The following POLA1 variants were observed in gnomAD, a reference collection of about 807,000 sequenced individuals.
POLA1 encodes the protein DNA polymerase alpha catalytic subunit.
Under a neutral mutation model 124.0 loss-of-function variants are expected in POLA1, and 15 were observed. That is an observed-to-expected ratio of 0.12 (90% CI 0.08 to 0.19). The LOEUF is 0.19. POLA1 is among the 10% of genes least tolerant of loss of function. The probability of loss-of-function intolerance (pLI) is 1.00; values close to 1 mark genes in which losing one functional copy is unlikely to be tolerated. For missense variants in POLA1, 886 were observed against 1,103.4 expected (o/e 0.80, Z 2.79); for synonymous variants, 408 against 389.4 (o/e 1.05, Z -0.56).
At chrX:24,738,838 C>T (rs1381484540) in intron 19 of POLA1, among the ~76,000 whole-genome samples, 1 of 111,797 alleles carries the variant, frequency 8.9e-6, no homozygotes, top group Non-Finnish European at 1.9e-5. Context: ...GTACCTTTTT[C>T]GTAATGTTCT....
Position 24,772,123 on chromosome X carries a change from GAGAT to G in POLA1, c.2964+23136_2964+23139del, listed in dbSNP as rs764406548. Among the ~76,000 whole-genome samples, 191 of 111,050 alleles carry G rather than the reference GAGAT, an allele frequency of 1.7e-3. 1 individual carries two copies. The highest frequency in any genetic ancestry group is 4.7e-3 in the Middle Eastern group (1 of 213). The stretch of plus-strand genomic sequence containing the variant: ...ATAAACTAAATTTTTATGATTTCAG[GAGAT>G]AGATGTCACGTAATTTATTTATCAA... On this transcript the variant is annotated intron_variant, in intron 26 of 36. Coordinates refer to ENST00000379068, the MANE Select transcript of POLA1 (RefSeq NM_001330360.2).
chrX:24,761,116 G>T (rs935693353), intron 26 of POLA1, among the ~76,000 whole-genome samples: 1 of 112,037 alleles, frequency 8.9e-6, no homozygotes, highest in Admixed American at 9.5e-5. Flanking sequence ...GTGATTTCCA[G>T]AAATGGTTTC....
intron 35 of POLA1, among the ~76,000 whole-genome samples, chrX:24,888,526 C>T (rs1442733049): frequency 9.3e-6 from 1 of 107,754 alleles, no homozygotes; most frequent in Non-Finnish European, 1.9e-5. Context: ...GTCCCCTCTG[C>T]TGGATTAATT....
chrX:24,763,063 G>A (rs1932826754), intron 26 of POLA1, among the ~76,000 whole-genome samples: 1 of 111,365 alleles, frequency 9.0e-6, no homozygotes, highest in Non-Finnish European at 1.9e-5. Flanking sequence ...TTATATGTTG[G>A]GGGAGATTGG....
At chrX:24,715,046 T>G in intron 5 of POLA1, 95 bp from the exon 6 acceptor site, 1 of 596,858 alleles carries the variant, frequency 1.7e-6, no homozygotes, top group Non-Finnish European at 2.8e-6. Flanking sequence ...AAGGACTAAC[T>G]GGCTAGGTCC....
chrX:24,978,782 A>G (rs778736103), intron 36 of POLA1, among the ~76,000 whole-genome samples: 4 of 112,236 alleles, frequency 3.6e-5, no homozygotes, highest in African/African-American at 1.3e-4. Flanking sequence ...CTAATGATTT[A>G]TGGATTGCAT....
At chrX:24,907,222 G>A (rs1244739599) in intron 35 of POLA1, among the ~76,000 whole-genome samples, 1 of 110,763 alleles carries the variant, frequency 9.0e-6, no homozygotes, top group African/African-American at 3.3e-5. Flanking sequence ...CCAGTATACA[G>A]AAGACAGGAA....
intron 36 of POLA1, among the ~76,000 whole-genome samples, chrX:24,957,761 A>C (rs910467621): frequency 1.8e-5 from 2 of 111,537 alleles, no homozygotes; most frequent in Non-Finnish European, 1.9e-5. Context: ...TATGTACACT[A>C]GGAAGCCATT....
chrX:24,727,194 C>T (rs757345901), intron 14 of POLA1, 123 bp downstream of exon 14: 21 of 604,129 alleles, frequency 3.5e-5, no homozygotes, highest in Non-Finnish European at 4.6e-5. Context: ...TTTGTTTCTT[C>T]AGTTTTCGTT....
chrX:24,830,573 A>G (rs1233127841), intron 32 of POLA1, among the ~76,000 whole-genome samples: 2 of 112,269 alleles, frequency 1.8e-5, no homozygotes, highest in African/African-American at 6.5e-5. Context: ...AGGAAAAAAT[A>G]TAGTATTACT....
intron 26 of POLA1, among the ~76,000 whole-genome samples, chrX:24,781,724 T>G (rs1440394831): frequency 9.0e-6 from 1 of 111,272 alleles, no homozygotes; most frequent in Non-Finnish European, 1.9e-5. Context: ...ATGGGGAAGT[T>G]TTTCAAGAGA....
intron 34 of POLA1, among the ~76,000 whole-genome samples, chrX:24,884,647 AT>A (rs754975971): frequency 8.9e-6 from 1 of 112,403 alleles, no homozygotes; most frequent in Non-Finnish European, 1.9e-5. Context: ...CAAAAGCTTA[AT>A]TATCAAAATA....
intron 36 of POLA1, among the ~76,000 whole-genome samples, chrX:24,950,373 C>G (rs147908916): frequency 2.0e-3 from 222 of 112,111 alleles, no homozygotes; most frequent in Non-Finnish European, 3.7e-3. Flanking sequence ...TTCCATTTTA[C>G]TTAGTTTTAA....
At chrX:24,946,265 T>G (rs1231841135) in intron 36 of POLA1, among the ~76,000 whole-genome samples, 2 of 111,238 alleles carry the variant, frequency 1.8e-5, no homozygotes. Context: ...CTTCCGCAAC[T>G]TTATAATTTT....
At chrX:24,723,822 A>G (rs1374356599) in intron 11 of POLA1, among the ~76,000 whole-genome samples, 1 of 112,274 alleles carries the variant, frequency 8.9e-6, no homozygotes, top group South Asian at 3.7e-4. Flanking sequence ...CTGGGATTAC[A>G]GGCGCCTGCC....
chrX:24,702,268 T>C (rs1339109648), intron 2 of POLA1, among the ~76,000 whole-genome samples: 4 of 101,914 alleles, frequency 3.9e-5, no homozygotes, highest in Non-Finnish European at 6.1e-5. Context: ...GGGGTTTCAC[T>C]ATGTTGGCCA....
At chrX:24,807,854 G>A (rs1053578535) in intron 26 of POLA1, among the ~76,000 whole-genome samples, 13 of 111,884 alleles carry the variant, frequency 1.2e-4, no homozygotes, top group Non-Finnish European at 2.4e-4. Flanking sequence ...AAAGGACTGG[G>A]GAAGGAATTC....
rs539904268 is a variant in POLA1 at position 24,902,073 on chromosome X, C to T, written c.4164+13951C>T. ...ACAGATCCCTGAAAGTCATGAGAAG[C>T]ACAGCTGGAATGAGCCATTGTCTCA... On this transcript the variant is annotated intron_variant, in intron 35 of 36. Coordinates refer to ENST00000379068, the MANE Select transcript of POLA1 (RefSeq NM_001330360.2). Among the ~76,000 whole-genome samples the T allele has an allele frequency of 1.1e-4, 12 of 111,901 alleles. No homozygotes were observed. The South Asian group carries it at 4.5e-3, about 42-fold the overall frequency.
intron 35 of POLA1, among the ~76,000 whole-genome samples, chrX:24,925,436 G>A (rs768299719): frequency 2.7e-5 from 3 of 112,040 alleles, no homozygotes; most frequent in Non-Finnish European, 5.6e-5. Context: ...GGGACAAGTT[G>A]TGTTATGAGA....
Sources: gnomAD v4.1 joint callset for allele counts (sites outside exome capture counted in the v4.1 genomes callset) on GRCh38, gnomAD v4.1.1 for gene constraint, MANE v1.5 for transcripts, NCBI Gene and HGNC (gene_info 2026-07-23, HGNC 2026-07-21) for gene names.